RBP2: variants seen among roughly 807,000 people sequenced by gnomAD.
RBP2 encodes retinol binding protein 2, also known as retinol-binding protein 2.
A neutral mutation model predicts 17.0 loss-of-function variants in RBP2; 17 were observed. That is an observed-to-expected ratio of 1.00 (90% confidence interval 0.68 to 1.50). The LOEUF is 1.50. Among genes scored for constraint, RBP2 ranks in the 40% most tolerant of loss-of-function variants. The pLI, the probability that RBP2 is intolerant of heterozygous loss-of-function variation, is 0.00. For missense variants in RBP2, 158 were observed against 168.2 expected (o/e 0.94, Z 0.33); for synonymous variants, 48 against 57.1 (o/e 0.84, Z 0.72).
chr3:139,458,272 C>T (rs1193756225), intron 2 of RBP2, among the ~76,000 whole-genome samples: 1 of 152,038 alleles, frequency 6.6e-6, no homozygotes, highest in Non-Finnish European at 1.5e-5. Context: ...CCTTAGCGCA[C>T]TTGCCCTCAA....
rs116789867 is a variant in RBP2, at chr3:139,459,321, C to T, written c.252+2791G>A. Among the ~76,000 whole-genome samples, 674 of 148,286 alleles carry T rather than the reference C, an allele frequency of 4.5e-3. 7 individuals carry two copies. The highest frequency in any genetic ancestry group is 0.016 in the African/African-American group (652 of 40,322). ...CTGTAACCCCAGCAGTTTTGGAGGCCGAGGCGGGTGGATCCCTTGAGATCA... is the reference window on the plus strand; with the variant it reads ...CTGTAACCCCAGCAGTTTTGGAGGCTGAGGCGGGTGGATCCCTTGAGATCA... On this transcript the variant is annotated intron_variant, in intron 2 of 3. Transcript: ENST00000232217.
At chr3:139,463,818 A>T (rs1430750321) in intron 1 of RBP2, among the ~76,000 whole-genome samples, 1 of 152,030 alleles carries the variant, frequency 6.6e-6, no homozygotes, top group Non-Finnish European at 1.5e-5. Flanking sequence ...AATCTTTAAT[A>T]TTTTTTTTAG....
In RBP2 at chr3:139,453,120, TTC is replaced by T. The variant is rs1446904014; in HGVS notation, c.399_400del (p.Lys134MetfsTer18). ...GGCAGGCCTCCCACGTCGCCATCAT[TTC>T]TTTTTGAACACTTGACGGCACACCT... On this transcript the variant is annotated frameshift_variant, in exon 4 of 4. Transcript: ENST00000232217. LOFTEE classifies it high-confidence loss of function. The T allele has an allele frequency of 1.9e-6, 3 of 1,614,022 alleles. No individual in the cohort carries two copies. In the African/African-American group the frequency reaches 4.0e-5, roughly 22 times the overall value.
chr3:139,473,148 C>T (rs1933618954), intron 1 of RBP2, among the ~76,000 whole-genome samples: 1 of 152,180 alleles, frequency 6.6e-6, no homozygotes, highest in Non-Finnish European at 1.5e-5. Flanking sequence ...CTGGTTTCCT[C>T]ACTGTCAAGA....
intron 1 of RBP2, among the ~76,000 whole-genome samples, chr3:139,474,601 T>C (rs1007907110): frequency 2.6e-5 from 4 of 152,186 alleles, no homozygotes; most frequent in African/African-American, 9.7e-5. Flanking sequence ...TACTTTTAAT[T>C]GCTCAAAACC....
rs1342510719 is a variant in RBP2 at position 139,453,774 on chromosome 3, A to G, written c.355-608T>C. Among the ~76,000 whole-genome samples, 4 of 152,344 alleles carry G rather than the reference A, an allele frequency of 2.6e-5. No homozygotes were observed. In the East Asian group the frequency reaches 5.8e-4, roughly 22 times the overall value. ...CATGAGTGTGGGAAGGACCACCACAATCATTGCAGTTGACTGTGAATCCAT... is the reference window on the plus strand; with the variant it reads ...CATGAGTGTGGGAAGGACCACCACAGTCATTGCAGTTGACTGTGAATCCAT... On this transcript the variant is annotated intron_variant, in intron 3 of 3. Coordinates refer to ENST00000232217, the MANE Select transcript of RBP2 (RefSeq NM_004164.3).
chr3:139,453,195 T>C, intron 3 of RBP2, 29 bp from the exon 4 acceptor site: 1 of 1,613,782 alleles, frequency 6.2e-7, no homozygotes, highest in Non-Finnish European at 8.5e-7. Context: ...GGTGAGGGTC[T>C]AACAAGCCAG....
rs565656539 is a variant in RBP2 at position 139,453,173 on chromosome 3, C to G, written c.355-7G>C. On this transcript the variant is annotated splice_polypyrimidine_tract_variant and splice_region_variant and intron_variant, in intron 3 of 3. Transcript: ENST00000232217. ...GGTCACCACAGGTCAGCTCCTGCAA[C>G]GTCAGAAAGTGGGTGAGGGTCTAAC... The G allele has an allele frequency of 3.1e-6, 5 of 1,614,096 alleles. No individual in the cohort carries two copies. Among genetic ancestry groups the G allele is most frequent in the Non-Finnish European group, 4.2e-6 (5 of 1,179,988 alleles).
chr3:139,457,452 G>A (rs894638637), intron 2 of RBP2, among the ~76,000 whole-genome samples: 4 of 152,048 alleles, frequency 2.6e-5, no homozygotes, highest in African/African-American at 7.2e-5. Context: ...GAAGAAGGAA[G>A]GAGAAAAATG....
intron 1 of RBP2, among the ~76,000 whole-genome samples, chr3:139,469,567 G>C (rs1032862802): frequency 5.3e-5 from 8 of 152,124 alleles, no homozygotes; most frequent in African/African-American, 1.9e-4. Context: ...GGTTCAAGTA[G>C]AGACTTTGGC....
intron 2 of RBP2, among the ~76,000 whole-genome samples, chr3:139,460,144 A>T (rs918303219): frequency 6.6e-6 from 1 of 152,240 alleles, no homozygotes; most frequent in African/African-American, 2.4e-5. Context: ...GTGAGGGAAA[A>T]TGAATCATTT....
At chr3:139,453,281 T>G in intron 3 of RBP2, 115 bp from the exon 4 acceptor site, 2 of 1,167,226 alleles carry the variant, frequency 1.7e-6, no homozygotes, top group Non-Finnish European at 2.5e-6. Context: ...CACTTAGGTA[T>G]TCTGGGCAAA....
intron 1 of RBP2, among the ~76,000 whole-genome samples, chr3:139,464,289 G>A (rs1158539117): frequency 2.0e-5 from 3 of 152,122 alleles, no homozygotes; most frequent in African/African-American, 7.2e-5. Context: ...GTGAAACCCT[G>A]TCTCTACAAA....
intron 1 of RBP2, among the ~76,000 whole-genome samples, chr3:139,475,139 G>A (rs1282880633): frequency 6.6e-6 from 1 of 151,816 alleles, no homozygotes; most frequent in Admixed American, 6.6e-5. Context: ...GGCTAACATA[G>A]TGAAATCCGT....
At chr3:139,458,870 G>A (rs1378336364) in intron 2 of RBP2, among the ~76,000 whole-genome samples, 1 of 152,136 alleles carries the variant, frequency 6.6e-6, no homozygotes. Flanking sequence ...TTTGGGGGTA[G>A]CTTGTGTAGT....
chr3:139,457,020 G>A (rs1042176462), intron 2 of RBP2, among the ~76,000 whole-genome samples: 3 of 152,110 alleles, frequency 2.0e-5, no homozygotes, highest in East Asian at 1.9e-4. Flanking sequence ...GGGCAAGGAC[G>A]GTGTCGTCTG....
chr3:139,466,624 G>C (rs1406455138), intron 1 of RBP2: 1 of 152,248 alleles, frequency 6.6e-6, no homozygotes, highest in Non-Finnish European at 1.5e-5. Flanking sequence ...ATCTAAAGCA[G>C]CAGAGGGCAG....
chr3:139,459,855 T>TGC (rs1283452248), intron 2 of RBP2, among the ~76,000 whole-genome samples: 1 of 149,222 alleles, frequency 6.7e-6, no homozygotes, highest in African/African-American at 2.5e-5. Context: ...TGTGTGTGTG[T>TGC]GCATTCACTC....
intron 1 of RBP2, among the ~76,000 whole-genome samples, chr3:139,470,434 C>T (rs1241370864): frequency 1.3e-5 from 2 of 152,096 alleles, no homozygotes; most frequent in Non-Finnish European, 2.9e-5. Context: ...ACACAGCAGC[C>T]TCCTAATGGG....
Sources: allele counts gnomAD v4.1 joint callset (sites outside exome capture counted in the v4.1 genomes callset), GRCh38; gene constraint gnomAD v4.1.1; transcripts MANE v1.5; gene names NCBI Gene and HGNC (gene_info 2026-07-23, HGNC 2026-07-21).